The following GRB10 variants were observed in gnomAD, a reference collection of about 807,000 sequenced individuals.
GRB10 encodes the protein growth factor receptor bound protein 10, also known as growth factor receptor-bound protein 10.
A neutral mutation model predicts 80.9 loss-of-function variants in GRB10; 20 were observed. The observed-to-expected ratio is 0.25, with a 90% CI of 0.17 to 0.36. The LOEUF is 0.36. Ranked by LOEUF, GRB10 falls within the 10% of genes least tolerant of loss-of-function variation. The pLI, the probability that GRB10 is intolerant of heterozygous loss-of-function variation, is 1.00. For missense variants in GRB10, 548 were observed against 747.7 expected (o/e 0.73, Z 3.12); for synonymous variants, 291 against 291.5 (o/e 1.00, Z 0.02).
At chr7:50,627,958 T>G (rs930783836) in intron 7 of GRB10, among the ~76,000 whole-genome samples, 1 of 152,128 alleles carries the variant, frequency 6.6e-6, no homozygotes, top group African/African-American at 2.4e-5. Context: ...CAGGCTGCCT[T>G]GCACCGGCTC....
At chr7:50,680,991 T>TTGG (rs2061483617) in intron 5 of GRB10, among the ~76,000 whole-genome samples, 1 of 152,192 alleles carries the variant, frequency 6.6e-6, no homozygotes, top group Non-Finnish European at 1.5e-5. Context: ...ATTCTACAGA[T>TTGG]AACACAAAAT....
chr7:50,746,740 T>C (rs534276331), intron 3 of GRB10, among the ~76,000 whole-genome samples: 1 of 152,212 alleles, frequency 6.6e-6, no homozygotes, highest in African/African-American at 2.4e-5. Flanking sequence ...AACCCCTTCC[T>C]GCAGAACACC....
At position 50,683,563 on chromosome 7, in the gene GRB10, C is replaced by T. The variant is rs561778719; in HGVS notation, c.140-8905G>A. Among the ~76,000 whole-genome samples, 53 of 152,136 alleles carry T rather than the reference C, an allele frequency of 3.5e-4. 1 individual carries two copies. In the South Asian group the frequency reaches 0.011, roughly 31 times the overall value. On this transcript the variant is annotated intron_variant, in intron 5 of 18. Transcript: ENST00000401949. Reference sequence around the variant, plus strand: ...ACCAGCCTGATCAACATGGCGAAACCCTGTCTCTATTAAAAATACAAAAAT... The same window carrying T: ...ACCAGCCTGATCAACATGGCGAAACTCTGTCTCTATTAAAAATACAAAAAT...
chr7:50,609,550 T>C (rs1410981647), intron 13 of GRB10, among the ~76,000 whole-genome samples: 1 of 152,230 alleles, frequency 6.6e-6, no homozygotes, highest in Non-Finnish European at 1.5e-5. Context: ...AAAGATTAAA[T>C]GGTAATAAAT....
intron 4 of GRB10, among the ~76,000 whole-genome samples, chr7:50,718,554 C>G (rs1259360080): frequency 6.6e-6 from 1 of 152,164 alleles, no homozygotes; most frequent in Non-Finnish European, 1.5e-5. Context: ...ACGAGGATCC[C>G]AGAGTATAGA....
In GRB10 at chr7:50,616,240, G is replaced by C. The variant is rs1477949512; in HGVS notation, c.954C>G (p.Gly318=). Residue 318 remains glycine (G), a synonymous_variant, in exon 11 of 19, where the codon GGC becomes GGG. Coordinates refer to ENST00000401949, the MANE Select transcript of GRB10 (RefSeq NM_001350814.2). Reference sequence around the variant, plus strand: ...AAGTTCCCTTGGTGGAGCAATAAAGGCCAGATCTCCGCAAACACACATACA... The same window carrying C: ...AAGTTCCCTTGGTGGAGCAATAAAGCCCAGATCTCCGCAAACACACATACA... ...KKLYVCLRRS[G]LYCSTKGTSK... 1 of 1,614,032 alleles carries C rather than the reference G, an allele frequency of 6.2e-7. No homozygotes were observed. Among genetic ancestry groups the C allele is most frequent in the African/African-American group, 1.3e-5 (1 of 74,914 alleles).
intron 2 of GRB10, among the ~76,000 whole-genome samples, chr7:50,768,564 T>A (rs1265007505): frequency 1.3e-5 from 2 of 152,198 alleles, no homozygotes; most frequent in Non-Finnish European, 2.9e-5. Context: ...ATGTTCTCAA[T>A]CTTAGCATTG....
intron 4 of GRB10, among the ~76,000 whole-genome samples, chr7:50,722,635 C>CGAG: frequency 6.6e-6 from 1 of 152,054 alleles, no homozygotes; most frequent in African/African-American, 2.4e-5. Flanking sequence ...GGTGACAGGG[C>CGAG]CCAGAGTGAC....
At chr7:50,697,357 T>C (rs921170948) in intron 5 of GRB10, among the ~76,000 whole-genome samples, 1 of 152,222 alleles carries the variant, frequency 6.6e-6, no homozygotes, top group East Asian at 1.9e-4. Context: ...ATTCCAGCTA[T>C]TGCAAAACCA....
chr7:50,596,268 C>G (rs1440664424), intron 17 of GRB10, among the ~76,000 whole-genome samples: 1 of 152,238 alleles, frequency 6.6e-6, no homozygotes, highest in East Asian at 1.9e-4. Context: ...ATCCGGCCGA[C>G]AGCATCTTCT....
chr7:50,684,659 C>T (rs1252217303), intron 5 of GRB10, among the ~76,000 whole-genome samples: 1 of 152,230 alleles, frequency 6.6e-6, no homozygotes, highest in Non-Finnish European at 1.5e-5. Context: ...TAAGCTAAAA[C>T]TGCATTTAAT....
rs2045863563 is a variant in GRB10, at chr7:50,591,678, T to A, written c.*1274A>T. 6.6e-6 allele frequency: 1 copy of A among 152,218 alleles called. No homozygotes were observed. The highest frequency in any genetic ancestry group is 2.4e-5 in the African/African-American group (1 of 41,444). 9.4% of individuals were successfully genotyped at this position (152,218 alleles called of 1,614,324 possible). A position where few individuals can be genotyped will look rare whatever the true frequency, so the allele number is the denominator to read the frequency against. On this transcript the variant is annotated 3_prime_UTR_variant, in exon 19 of 19. Coordinates refer to ENST00000401949, the MANE Select transcript of GRB10 (RefSeq NM_001350814.2). ...CCGGAGCGGGGACAAAGTGTTGTGT[T>A]GACAAAACTCTTCCATGTCCACAAC... is the stretch of plus-strand genomic sequence containing the variant.
intron 7 of GRB10, among the ~76,000 whole-genome samples, chr7:50,666,917 G>A (rs1486633484): frequency 6.6e-6 from 1 of 151,982 alleles, no homozygotes; most frequent in Non-Finnish European, 1.5e-5. Context: ...GCGGGCGCCT[G>A]TAGTCCCAGC....
chr7:50,674,576 T>G lies in GRB10; in HGVS notation c.222A>C (p.Ser74=), dbSNP rs2060717950. 6.2e-7 allele frequency: 1 copy of G among 1,613,148 alleles called. No individual in the cohort carries two copies. Among genetic ancestry groups the G allele is most frequent in the Admixed American group, 1.7e-5 (1 of 60,012 alleles). Residue 74 remains serine (S), a synonymous_variant, in exon 6 of 19, where the codon TCA becomes TCC. Coordinates refer to ENST00000401949, the MANE Select transcript of GRB10 (RefSeq NM_001350814.2). ...ESLYSACSMQ[S]DTVPLLQNGQ... is the part of the protein sequence containing the mutation. ...CATTCTGCAGGAGGGGCACCGTGTC[T>G]GACTGCATGCTGCAGGCCGAGTACA...
chr7:50,650,117 G>A (rs577681692), intron 7 of GRB10, among the ~76,000 whole-genome samples: 1 of 152,310 alleles, frequency 6.6e-6, no homozygotes, highest in East Asian at 1.9e-4. Flanking sequence ...GCAGGAGACA[G>A]CGAAGGGATG....
intron 6 of GRB10, among the ~76,000 whole-genome samples, chr7:50,672,746 C>T (rs1212747568): frequency 6.6e-6 from 1 of 152,212 alleles, no homozygotes; most frequent in Admixed American, 6.5e-5. Context: ...CCCTCGGGCA[C>T]CTTCGCCATG....
At chr7:50,683,220 A>T (rs933931758) in intron 5 of GRB10, among the ~76,000 whole-genome samples, 5 of 152,246 alleles carry the variant, frequency 3.3e-5, no homozygotes, top group Admixed American at 3.3e-4. Context: ...TCACAAAAGG[A>T]TAAACACTAT....
intron 4 of GRB10, among the ~76,000 whole-genome samples, chr7:50,718,658 A>G (rs1028136588): frequency 1.3e-5 from 2 of 152,168 alleles, no homozygotes; most frequent in Admixed American, 1.3e-4. Context: ...CTCCAAAGTA[A>G]TTTGTACATT....
intron 5 of GRB10, among the ~76,000 whole-genome samples, chr7:50,682,792 A>AT (rs35664879): frequency 8.5e-5 from 13 of 152,160 alleles, no homozygotes; most frequent in Admixed American, 5.2e-4. Flanking sequence ...GTCAGCATAT[A>AT]TTTTCTGGTC....
Sources: allele counts gnomAD v4.1 joint callset (sites outside exome capture counted in the v4.1 genomes callset), GRCh38; gene constraint gnomAD v4.1.1; transcripts MANE v1.5; gene names NCBI Gene and HGNC (gene_info 2026-07-23, HGNC 2026-07-21).